The following PCDHGA6 variants were observed in gnomAD, a reference collection of about 807,000 sequenced individuals.
PCDHGA6 encodes protocadherin gamma subfamily A, 6.
Under a neutral mutation model 60.6 loss-of-function variants are expected in PCDHGA6, and 41 were observed. That is an observed-to-expected ratio of 0.68 (90% confidence interval 0.53 to 0.88). PCDHGA6 has a LOEUF of 0.88. PCDHGA6 is among the 40% of genes least tolerant of loss of function. The pLI is 0.00. For missense variants in PCDHGA6, 1,312 were observed against 1,203.0 expected (o/e 1.09, Z -1.34); for synonymous variants, 594 against 524.4 (o/e 1.13, Z -1.81).
Position 141,476,656 on chromosome 5 carries a change from T to G in PCDHGA6, c.2425-18151T>G, listed in dbSNP as rs190269177. On this transcript the variant is annotated intron_variant, in intron 1 of 3. Transcript: ENST00000517434. The surrounding 1 kb of genome is among the most constrained non-coding windows in gnomAD (Gnocchi z 7.6). ...ATGAGCTGAGCCGAAATGAATACTTTGCGCTTCGCGTGCAGACGCGGGAGG... is the reference window on the plus strand; with the variant it reads ...ATGAGCTGAGCCGAAATGAATACTTGGCGCTTCGCGTGCAGACGCGGGAGG... The G allele has an allele frequency of 1.2e-6, 2 of 1,614,210 alleles. No individual in the cohort carries two copies. The highest frequency in any genetic ancestry group is 1.7e-6 in the Non-Finnish European group (2 of 1,180,044).
chr5:141,390,264 G>C lies in PCDHGA6; in HGVS notation c.2424+13757G>C, dbSNP rs771554792. 18 of 1,614,004 alleles carry C rather than the reference G, an allele frequency of 1.1e-5. No individual in the cohort carries two copies. In the African/African-American group the frequency reaches 2.1e-4, roughly 19 times the overall value. Reference sequence around the variant, plus strand: ...CTTATTTCCACTTTGTAATTCCAGTGAATTGACTTCCCATCAGGTGAGTTT... The same window carrying C: ...CTTATTTCCACTTTGTAATTCCAGTCAATTGACTTCCCATCAGGTGAGTTT... On this transcript the variant is annotated intron_variant, in intron 1 of 3. Coordinates refer to ENST00000517434, the MANE Select transcript of PCDHGA6 (RefSeq NM_018919.3).
At chr5:141,499,423 GA>G (rs1229901490) in intron 2 of PCDHGA6, among the ~76,000 whole-genome samples, 3 of 151,756 alleles carry the variant, frequency 2.0e-5, no homozygotes, top group Non-Finnish European at 2.9e-5. Flanking sequence ...ATGAAAAATA[GA>G]AAAAAAATTA....
intron 1 of PCDHGA6, chr5:141,383,089 GT>G: frequency 1.2e-6 from 2 of 1,613,932 alleles, no homozygotes; most frequent in Non-Finnish European, 1.7e-6. Context: ...GGAGCGCGGA[GT>G]CCGCATCATC....
At chr5:141,382,993 C>G (rs762865747) in intron 1 of PCDHGA6, 2 of 1,613,542 alleles carry the variant, frequency 1.2e-6, no homozygotes, top group East Asian at 2.2e-5. Context: ...AGGACGTATT[C>G]TCTACTCCGT....
intron 1 of PCDHGA6, chr5:141,427,300 A>G: frequency 2.2e-6 from 1 of 456,912 alleles, no homozygotes; most frequent in Non-Finnish European, 4.4e-6. Flanking sequence ...CTAGATGAGA[A>G]TGACAATGCC....
At chr5:141,388,668 C>G in intron 1 of PCDHGA6, 1 of 1,613,882 alleles carries the variant, frequency 6.2e-7, no homozygotes, top group Non-Finnish European at 8.5e-7. Flanking sequence ...GACCACGGTG[C>G]TACAGGTGAC....
chr5:141,383,002 G>T lies in PCDHGA6; in HGVS notation c.2424+6495G>T, dbSNP rs376825891. On this transcript the variant is annotated intron_variant, in intron 1 of 3. Coordinates refer to ENST00000517434, the MANE Select transcript of PCDHGA6 (RefSeq NM_018919.3). ...CTGGGCAGGACGTATTCTCTACTCC[G>T]TGTCGGAGGAGACGGACAAAGGGTC... The T allele has an allele frequency of 1.2e-6, 2 of 1,613,650 alleles. No individual in the cohort carries two copies. Among genetic ancestry groups the T allele is most frequent in the African/African-American group, 1.3e-5 (1 of 74,948 alleles).
intron 1 of PCDHGA6, chr5:141,415,428 G>C (rs948747218): frequency 1.2e-6 from 2 of 1,614,088 alleles, no homozygotes; most frequent in Non-Finnish European, 1.7e-6. Context: ...ACGGGGTTCG[G>C]GCTTTCCTGC....
intron 1 of PCDHGA6, chr5:141,441,857 ACGCCGC>A (rs2098279969): frequency 2.8e-6 from 1 of 352,664 alleles, no homozygotes; most frequent in Non-Finnish European, 5.6e-6. Flanking sequence ...ATGGTGCTGC[ACGCCGC>A]GGAGCCTGGC....
intron 1 of PCDHGA6, chr5:141,388,688 C>T: frequency 6.2e-7 from 1 of 1,613,970 alleles, no homozygotes; most frequent in Non-Finnish European, 8.5e-7. Context: ...CTGCCACGGA[C>T]CAGGATGAGG....
chr5:141,415,585 C>G (rs1589974529), intron 1 of PCDHGA6: 5 of 1,613,900 alleles, frequency 3.1e-6, no homozygotes, highest in Non-Finnish European at 3.4e-6. Context: ...TTCGAAGTTT[C>G]CTATAGAGGA....
intron 1 of PCDHGA6, chr5:141,421,468 C>G: frequency 1.2e-6 from 2 of 1,614,096 alleles, no homozygotes; most frequent in Non-Finnish European, 1.7e-6. Flanking sequence ...TGTGAATCCG[C>G]GAAGCGGCAG....
chr5:141,439,680 A>T (rs1478261632), intron 1 of PCDHGA6, among the ~76,000 whole-genome samples: 1 of 152,236 alleles, frequency 6.6e-6, no homozygotes, highest in African/African-American at 2.4e-5. Context: ...ATCCAAGAGC[A>T]GACCCACAAC....
Position 141,490,241 on chromosome 5 carries a change from G to T in PCDHGA6, c.2425-4566G>T. 2 of 1,614,246 alleles carry T rather than the reference G, an allele frequency of 1.2e-6. No individual in the cohort carries two copies. Among genetic ancestry groups the T allele is most frequent in the Non-Finnish European group, 1.7e-6 (2 of 1,180,048 alleles). On this transcript the variant is annotated intron_variant, in intron 1 of 3. Transcript: ENST00000517434. This position sits in a 1 kb window ranked among gnomAD's most constrained non-coding sequence, Gnocchi z 5.4. Reference sequence around the variant, plus strand: ...GGACAGCCTGCCATGGAGGGCCACTGTGTGATTCAAGTGGATGTGGGGGAT... The same window carrying T: ...GGACAGCCTGCCATGGAGGGCCACTTTGTGATTCAAGTGGATGTGGGGGAT...
intron 1 of PCDHGA6, among the ~76,000 whole-genome samples, chr5:141,437,310 C>T (rs1226274834): frequency 6.6e-6 from 1 of 152,166 alleles, no homozygotes; most frequent in Non-Finnish European, 1.5e-5. Flanking sequence ...TTAAAGCGTT[C>T]AGCTATAATT....
chr5:141,430,017 CTTG>C (rs1203011013), intron 1 of PCDHGA6, among the ~76,000 whole-genome samples: 6 of 152,096 alleles, frequency 3.9e-5, no homozygotes, highest in African/African-American at 1.2e-4. Context: ...CACTTGGGTT[CTTG>C]TTAAGTGTGA....
chr5:141,437,156 G>T (rs2097864365), intron 1 of PCDHGA6, among the ~76,000 whole-genome samples: 1 of 152,172 alleles, frequency 6.6e-6, no homozygotes, highest in African/African-American at 2.4e-5. Context: ...TAACATATGT[G>T]TTGATTGTTT....
intron 1 of PCDHGA6, chr5:141,423,755 G>A (rs1236551808): frequency 2.5e-5 from 13 of 512,416 alleles, no homozygotes; most frequent in Non-Finnish European, 3.4e-5. Context: ...CTGTTTGGGG[G>A]GGGGGTGGGG....
At chr5:141,500,728 T>C (rs556463739) in intron 2 of PCDHGA6, among the ~76,000 whole-genome samples, 1 of 152,310 alleles carries the variant, frequency 6.6e-6, no homozygotes, top group South Asian at 2.1e-4. Context: ...CCCATGTCTT[T>C]CAAAATTCTT....
Sources: gnomAD v4.1 joint callset for allele counts (sites outside exome capture counted in the v4.1 genomes callset) on GRCh38, gnomAD v4.1.1 for gene constraint, Gnocchi (gnomAD v3.1) non-coding constraint, MANE v1.5 for transcripts, NCBI Gene and HGNC (gene_info 2026-07-23, HGNC 2026-07-21) for gene names.